Variants in TENM3 observed in about 807,000 individuals in gnomAD.
TENM3 encodes the protein teneurin transmembrane protein 3.
In TENM3, 63 loss-of-function variants were observed where a neutral mutation model predicts 255.1. The ratio of observed to expected loss-of-function variants is 0.25; its 90% CI spans 0.20 to 0.30. TENM3 has a LOEUF of 0.30. Ranked by LOEUF, TENM3 falls within the 10% of genes least tolerant of loss-of-function variation. TENM3 has a pLI of 1.00. For missense variants in TENM3, 2,929 were observed against 3,461.1 expected (o/e 0.85, Z 3.86); for synonymous variants, 1,306 against 1,322.3 (o/e 0.99, Z 0.27).
At chr4:182,005,185 G>T in the TENM3 span, among the ~76,000 whole-genome samples, 1 of 152,156 alleles carries the variant, frequency 6.6e-6, no homozygotes, top group Non-Finnish European at 1.5e-5. Context: ...TTTCTTCTAG[G>T]ATATTTATGG....
chr4:182,422,340 G>A (rs1194049167), intron 3 of TENM3, among the ~76,000 whole-genome samples: 1 of 152,220 alleles, frequency 6.6e-6, no homozygotes, highest in Non-Finnish European at 1.5e-5. Flanking sequence ...CATTAGCTCG[G>A]TGGTGACATG....
chr4:182,230,256 C>G lies in TENM3; in HGVS notation c.-76+85502C>G, dbSNP rs138139713. Among the ~76,000 whole-genome samples, 1,364 of 152,152 alleles carry G rather than the reference C, an allele frequency of 9.0e-3. 70 individuals carry two copies. Among genetic ancestry groups the G allele is most frequent in the Admixed American group, 0.083 (1,274 of 15,278 alleles). On this transcript the variant is annotated intron_variant, in intron 1 of 2. Transcript: ENST00000512480. Reference sequence around the variant, plus strand: ...CGAAGCCCCATGAAGCGCAAAATGTCCCTGCACACGTCTTCCACCAGGCTC... The same window carrying G: ...CGAAGCCCCATGAAGCGCAAAATGTGCCTGCACACGTCTTCCACCAGGCTC...
the TENM3 span, among the ~76,000 whole-genome samples, chr4:182,106,895 A>G: frequency 6.6e-6 from 1 of 152,178 alleles, no homozygotes; most frequent in East Asian, 1.9e-4. Context: ...ATATCTCAAG[A>G]CAAAAACTTG....
intron 3 of TENM3, among the ~76,000 whole-genome samples, chr4:182,458,728 T>C (rs1276900020): frequency 2.6e-5 from 4 of 152,206 alleles, no homozygotes; most frequent in African/African-American, 9.7e-5. Flanking sequence ...CATGTCCTGC[T>C]TTCTTTGTGT....
chr4:182,563,473 C>T (rs572375963), intron 3 of TENM3, among the ~76,000 whole-genome samples: 1 of 152,136 alleles, frequency 6.6e-6, no homozygotes, highest in African/African-American at 2.4e-5. Context: ...GAAGGGGAAA[C>T]TTTCACTTTT....
chr4:182,698,153 C>G (rs1262587117), intron 12 of TENM3: 1 of 152,150 alleles, frequency 6.6e-6, no homozygotes, highest in African/African-American at 2.4e-5. Flanking sequence ...AGAGAGTAAT[C>G]AACCACCAAA....
At chr4:181,964,591 GAA>G in the TENM3 span, among the ~76,000 whole-genome samples, 2 of 144,244 alleles carry the variant, frequency 1.4e-5, no homozygotes, top group African/African-American at 2.6e-5. Flanking sequence ...AATGTTGCTA[GAA>G]AAAAAAAAAA....
the TENM3 span, among the ~76,000 whole-genome samples, chr4:181,689,586 C>T: frequency 6.6e-6 from 1 of 152,142 alleles, no homozygotes; most frequent in Non-Finnish European, 1.5e-5. Flanking sequence ...CAGATCACTC[C>T]ATCATGGATA....
chr4:182,416,898 G>A (rs140567067), intron 3 of TENM3, among the ~76,000 whole-genome samples: 1 of 152,264 alleles, frequency 6.6e-6, no homozygotes, highest in Non-Finnish European at 1.5e-5. Context: ...GGGTTTTGAT[G>A]TTTTGTCATT....
At chr4:182,061,272 G>A in the TENM3 span, among the ~76,000 whole-genome samples, 1 of 152,100 alleles carries the variant, frequency 6.6e-6, no homozygotes, top group African/African-American at 2.4e-5. Context: ...CCTACATAAG[G>A]TAGTCATTTC....
chr4:182,460,386 C>G (rs1036173508), intron 3 of TENM3, among the ~76,000 whole-genome samples: 1 of 151,962 alleles, frequency 6.6e-6, no homozygotes, highest in Admixed American at 6.6e-5. Context: ...TCACATGGTA[C>G]CAGAATATAT....
the TENM3 span, among the ~76,000 whole-genome samples, chr4:181,829,243 A>G: frequency 6.6e-6 from 1 of 152,216 alleles, no homozygotes; most frequent in East Asian, 1.9e-4. Flanking sequence ...GATGCTTCTC[A>G]GTTATATTCA....
intron 3 of TENM3, among the ~76,000 whole-genome samples, chr4:182,387,507 C>T (rs1044723531): frequency 1.3e-5 from 2 of 152,124 alleles, no homozygotes; most frequent in African/African-American, 2.4e-5. Flanking sequence ...AGAAGGCTGC[C>T]GGAGCCAGCA....
intron 3 of TENM3, among the ~76,000 whole-genome samples, chr4:182,571,869 C>A (rs2152022340): frequency 6.6e-6 from 1 of 152,258 alleles, no homozygotes; most frequent in African/African-American, 2.4e-5. Flanking sequence ...ACCACTGTGG[C>A]ACACAGCAAT....
chr4:182,076,712 G>A, the TENM3 span, among the ~76,000 whole-genome samples: 3 of 152,126 alleles, frequency 2.0e-5, no homozygotes, highest in Admixed American at 6.5e-5. Flanking sequence ...TTAACTCAGG[G>A]ATTGGCAAAC....
chr4:182,030,809 G>A, the TENM3 span, among the ~76,000 whole-genome samples: 6 of 152,268 alleles, frequency 3.9e-5, no homozygotes, highest in Admixed American at 6.5e-5. Context: ...GATCAGTGAC[G>A]TTGAGCGTTT....
At chr4:181,951,407 A>C in the TENM3 span, among the ~76,000 whole-genome samples, 1 of 152,236 alleles carries the variant, frequency 6.6e-6, no homozygotes, top group Non-Finnish European at 1.5e-5. Context: ...ATGAGTGTAC[A>C]GACCTGAATT....
chr4:181,867,839 A>G, the TENM3 span, among the ~76,000 whole-genome samples: 1 of 152,182 alleles, frequency 6.6e-6, no homozygotes, highest in Non-Finnish European at 1.5e-5. Context: ...TTTGGTAAGT[A>G]GCATATGCAT....
chr4:181,996,159 T>TAAAAA, the TENM3 span, among the ~76,000 whole-genome samples: 795 of 139,020 alleles, frequency 5.7e-3, 3 homozygotes, highest in African/African-American at 0.015. Flanking sequence ...TCGCTACGGT[T>TAAAAA]AAAAAAAAAA....
Sources: allele counts gnomAD v4.1 joint callset (sites outside exome capture counted in the v4.1 genomes callset), GRCh38; gene constraint gnomAD v4.1.1; transcripts MANE v1.5; gene names NCBI Gene and HGNC (gene_info 2026-07-23, HGNC 2026-07-21).